Variants in ANKRD12 observed in about 807,000 individuals in gnomAD.
ANKRD12 encodes the protein ankyrin repeat domain 12.
ANKRD12 carries 85 observed loss-of-function variants against 183.4 expected under a neutral mutation model. That is an observed-to-expected ratio of 0.46 (90% CI 0.39 to 0.56). ANKRD12 has a LOEUF of 0.56. ANKRD12 is among the 20% of genes least tolerant of loss of function. The pLI, the probability that ANKRD12 is intolerant of heterozygous loss-of-function variation, is 0.00. For missense variants in ANKRD12, 2,405 were observed against 2,357.1 expected (o/e 1.02, Z -0.42); for synonymous variants, 914 against 800.2 (o/e 1.14, Z -2.40).
rs751291055 is a variant in ANKRD12 at position 9,195,679 on chromosome 18, A to G, written c.216A>G (p.Glu72=). The G allele has an allele frequency of 4.3e-6, 7 of 1,611,158 alleles. No homozygotes were observed. The Admixed American group carries it at 1.0e-4, about 23-fold the overall frequency. ...LPFTISPSRN[E]ERDSDTDSDP... ...TTACTATTAGCCCATCAAGAAATGA[A>G]GAACGAGATTCAGACACAGGTAGAA... The change falls in exon 3 of 13, where the codon GAA becomes GAG. Residue 72 remains glutamate (E), a synonymous_variant. Transcript: ENST00000262126.
At chr18:9,197,378 T>G (rs1207990334) in intron 3 of ANKRD12, among the ~76,000 whole-genome samples, 1 of 152,218 alleles carries the variant, frequency 6.6e-6, no homozygotes, top group Non-Finnish European at 1.5e-5. Flanking sequence ...GTTAACATGT[T>G]GTCACCAAAC....
intron 8 of ANKRD12, among the ~76,000 whole-genome samples, chr18:9,244,609 C>T (rs1005897134): frequency 2.6e-5 from 4 of 152,156 alleles, no homozygotes; most frequent in African/African-American, 4.8e-5. Context: ...TCCTAGTACT[C>T]GTATGATTTC....
chr18:9,173,628 A>T (rs144675973), intron 1 of ANKRD12, among the ~76,000 whole-genome samples: 26 of 51,286 alleles, frequency 5.1e-4, no homozygotes, highest in African/African-American at 8.0e-4. Context: ...GGGGGGGGGT[A>T]GGGGGGGCAG....
chr18:9,188,646 G>A (rs2034259122), intron 2 of ANKRD12, among the ~76,000 whole-genome samples: 1 of 152,234 alleles, frequency 6.6e-6, no homozygotes, highest in Admixed American at 6.5e-5. Context: ...CCTGTGTTGA[G>A]CAAGTTCATT....
chr18:9,218,431 A>G (rs376138144), intron 7 of ANKRD12, among the ~76,000 whole-genome samples: 9 of 152,320 alleles, frequency 5.9e-5, no homozygotes, highest in Admixed American at 3.3e-4. Flanking sequence ...TCATTTCTGT[A>G]TATCCCTAAT....
intron 1 of ANKRD12, among the ~76,000 whole-genome samples, chr18:9,150,723 G>C (rs535805656): frequency 2.0e-5 from 3 of 151,752 alleles, no homozygotes; most frequent in Non-Finnish European, 2.9e-5. Context: ...GTGTGATTTC[G>C]GCTCACTGCA....
intron 1 of ANKRD12, among the ~76,000 whole-genome samples, chr18:9,161,504 T>A (rs2031413504): frequency 6.6e-6 from 1 of 151,748 alleles, no homozygotes; most frequent in Admixed American, 6.6e-5. Context: ...GCCTCCTGAG[T>A]AGCTGGGACC....
intron 8 of ANKRD12, among the ~76,000 whole-genome samples, chr18:9,225,567 A>G (rs929440756): frequency 3.9e-5 from 6 of 152,150 alleles, no homozygotes; most frequent in African/African-American, 1.4e-4. Context: ...CTGTCCTGAA[A>G]TGATTTTGTA....
intron 8 of ANKRD12, among the ~76,000 whole-genome samples, chr18:9,246,476 AT>A (rs1016782481): frequency 1.4e-4 from 22 of 152,150 alleles, no homozygotes; most frequent in African/African-American, 4.8e-4. Context: ...ATATCTATAT[AT>A]TTCCATTATT....
At chr18:9,172,525 TGTG>T (rs1455590629) in intron 1 of ANKRD12, among the ~76,000 whole-genome samples, 2 of 152,338 alleles carry the variant, frequency 1.3e-5, no homozygotes, top group East Asian at 1.9e-4. Flanking sequence ...TATTGATACT[TGTG>T]GTTGCATTGT....
At chr18:9,218,390 G>A (rs145156548) in intron 7 of ANKRD12, among the ~76,000 whole-genome samples, 223 of 152,260 alleles carry the variant, frequency 1.5e-3, no homozygotes, top group African/African-American at 5.0e-3. Context: ...TTACTTGTGC[G>A]TTAGGAGGAA....
At chr18:9,267,572 A>G (rs2039365916) in intron 10 of ANKRD12, among the ~76,000 whole-genome samples, 3 of 152,180 alleles carry the variant, frequency 2.0e-5, no homozygotes, top group Admixed American at 2.0e-4. Flanking sequence ...TTTGAGACCA[A>G]CGAGAACAAA....
At chr18:9,164,720 T>A (rs1356676711) in intron 1 of ANKRD12, among the ~76,000 whole-genome samples, 2 of 152,214 alleles carry the variant, frequency 1.3e-5, no homozygotes, top group African/African-American at 4.8e-5. Flanking sequence ...AATTTCTTCG[T>A]CTTGAGTTCT....
At chr18:9,262,429 C>T (rs2039023135) in intron 9 of ANKRD12, among the ~76,000 whole-genome samples, 1 of 152,148 alleles carries the variant, frequency 6.6e-6, no homozygotes, top group South Asian at 2.1e-4. Flanking sequence ...ATTGCCATCT[C>T]TTGGACATCT....
intron 8 of ANKRD12, among the ~76,000 whole-genome samples, chr18:9,248,266 G>T (rs879449850): frequency 5.3e-5 from 8 of 152,196 alleles, no homozygotes; most frequent in Non-Finnish European, 1.0e-4. Context: ...TTTTTGTCAA[G>T]ACTGACATGA....
At chr18:9,217,187 C>A (rs2036156587) in intron 7 of ANKRD12, among the ~76,000 whole-genome samples, 1 of 152,080 alleles carries the variant, frequency 6.6e-6, no homozygotes, top group African/African-American at 2.4e-5. Flanking sequence ...TTAAAGCAGT[C>A]TTTATATATA....
intron 1 of ANKRD12, among the ~76,000 whole-genome samples, chr18:9,157,671 C>T (rs776390625): frequency 2.1e-5 from 3 of 145,220 alleles, no homozygotes; most frequent in Admixed American, 7.0e-5. Context: ...GGCATGATCT[C>T]GACTCACTGC....
rs2040125399 is a variant in ANKRD12 at position 9,282,176 on chromosome 18, T to C, written c.*1050T>C. The C allele has an allele frequency of 1.3e-5, 2 of 152,612 alleles. No homozygotes were observed. Among genetic ancestry groups the C allele is most frequent in the South Asian group, 4.1e-4 (2 of 4,830 alleles). 9.5% of individuals were successfully genotyped at this position (152,612 alleles called of 1,614,324 possible). ...ATATATGTAAATACGTTTAATAAAT[T>C]TTATTGGTCATGTTAAATCATTGTA... On this transcript the variant is annotated 3_prime_UTR_variant, in exon 13 of 13. Transcript: ENST00000262126.
rs1377635574 is a variant in ANKRD12 at position 9,285,693 on chromosome 18, C to A, written c.*4567C>A. 1.3e-5 allele frequency: 2 copies of A among 152,112 alleles called. No homozygotes were observed. The highest frequency in any genetic ancestry group is 2.9e-5 in the Non-Finnish European group (2 of 68,004). 9.4% of individuals were successfully genotyped at this position (152,112 alleles called of 1,614,324 possible). A position where few individuals can be genotyped will look rare whatever the true frequency, so the allele number is the denominator to read the frequency against. ...ATTACTCTAGAAAGTTCACTCATGC[C>A]TCTCTCCAGTCACTACCCCTGAGGC... is the stretch of plus-strand genomic sequence containing the variant. On this transcript the variant is annotated 3_prime_UTR_variant, in exon 13 of 13. Transcript: ENST00000262126.
Sources: gnomAD v4.1 joint callset for allele counts (sites outside exome capture counted in the v4.1 genomes callset) on GRCh38, gnomAD v4.1.1 for gene constraint, MANE v1.5 for transcripts, NCBI Gene and HGNC (gene_info 2026-07-23, HGNC 2026-07-21) for gene names.